Variants in SAMD4A observed in about 807,000 individuals in gnomAD.
SAMD4A encodes the protein protein Smaug homolog 1.
In SAMD4A, 33 loss-of-function variants were observed where a neutral mutation model predicts 81.3. The observed-to-expected ratio is 0.41, with a 90% CI of 0.31 to 0.54. The LOEUF (loss-of-function observed/expected upper bound fraction) is 0.54. SAMD4A is among the 20% of genes least tolerant of loss of function. SAMD4A has a pLI of 0.37. For synonymous variants in SAMD4A, 389 were observed against 382.1 expected, an observed-to-expected ratio of 1.02 and a Z score of -0.21; for missense variants, 854 against 951.1, an observed-to-expected ratio of 0.90 and a Z score of 1.34.
rs1267988348 is a variant in SAMD4A, at chr14:54,737,247, T to G, written c.939T>G (p.Thr313=). The G allele has an allele frequency of 2.5e-6, 4 of 1,614,140 alleles. No homozygotes were observed. The highest frequency in any genetic ancestry group is 3.4e-6 in the Non-Finnish European group (4 of 1,180,030). The change falls in exon 4 of 13, where the codon ACT becomes ACG. Residue 313 remains threonine, a synonymous_variant. Transcript: ENST00000554335. Reference sequence around the variant, plus strand: ...GTGAACACTTAGAAGATCAGACCACTGCTCGTAACACATTCCAAGAAGAAG... The same window carrying G: ...GTGAACACTTAGAAGATCAGACCACGGCTCGTAACACATTCCAAGAAGAAG... ...GGSEHLEDQT[T]ARNTFQEEGS...
intron 2 of SAMD4A, among the ~76,000 whole-genome samples, chr14:54,604,134 T>C (rs1468754591): frequency 6.6e-6 from 1 of 152,296 alleles, no homozygotes; most frequent in African/African-American, 2.4e-5. Flanking sequence ...CATTATTTTA[T>C]TGTATCCTTA....
At chr14:54,723,117 C>T (rs976130695) in intron 3 of SAMD4A, among the ~76,000 whole-genome samples, 1 of 150,056 alleles carries the variant, frequency 6.7e-6, no homozygotes, top group African/African-American at 2.4e-5. Context: ...AAAAAAAAAC[C>T]CATCTAGGTG....
intron 6 of SAMD4A, among the ~76,000 whole-genome samples, chr14:54,757,373 G>A (rs1421141666): frequency 7.8e-6 from 1 of 129,022 alleles, no homozygotes; most frequent in Non-Finnish European, 1.6e-5. Flanking sequence ...TATGTATTTG[G>A]TTTCTTTATT....
At chr14:54,591,839 G>C (rs1156375255) in intron 2 of SAMD4A, among the ~76,000 whole-genome samples, 1 of 152,146 alleles carries the variant, frequency 6.6e-6, no homozygotes, top group East Asian at 1.9e-4. Context: ...TATATTGTCT[G>C]TGATTTCTCA....
chr14:54,675,828 C>T (rs1281917127), intron 2 of SAMD4A, among the ~76,000 whole-genome samples: 4 of 152,144 alleles, frequency 2.6e-5, no homozygotes, highest in African/African-American at 9.7e-5. Flanking sequence ...CATCAGAGCT[C>T]CCATGAACAA....
At chr14:54,744,968 C>T (rs1159336658) in intron 4 of SAMD4A, among the ~76,000 whole-genome samples, 1 of 152,198 alleles carries the variant, frequency 6.6e-6, no homozygotes, top group African/African-American at 2.4e-5. Flanking sequence ...CTCTGTCTCA[C>T]CAAACCTGAA....
At chr14:54,611,346 C>T (rs1458654373) in intron 2 of SAMD4A, among the ~76,000 whole-genome samples, 2 of 152,156 alleles carry the variant, frequency 1.3e-5, no homozygotes, top group Non-Finnish European at 2.9e-5. Context: ...GCTGAATGAG[C>T]AACACTCAGG....
At chr14:54,715,175 C>T (rs968349231) in intron 3 of SAMD4A, among the ~76,000 whole-genome samples, 1 of 151,910 alleles carries the variant, frequency 6.6e-6, no homozygotes, top group Non-Finnish European at 1.5e-5. Flanking sequence ...TGTGACCAGT[C>T]CCAAGAGGGC....
Position 54,687,451 on chromosome 14 carries a change from A to G in SAMD4A, c.197-14611A>G, listed in dbSNP as rs780907786. The G allele has an allele frequency of 9.5e-6, 4 of 419,496 alleles. 1 individual carries two copies. The highest frequency in any genetic ancestry group is 6.9e-5 in the South Asian group (4 of 58,240). 26.0% of individuals were successfully genotyped at this position (419,496 alleles called of 1,614,324 possible). A position where few individuals can be genotyped will look rare whatever the true frequency, so the allele number is the denominator to read the frequency against. On this transcript the variant is annotated intron_variant, in intron 2 of 12. Transcript: ENST00000554335. ...GTTAGCTGTGTTTGAAATAAAAACA[A>G]ACAAAAAAAGGCAGCCAAAAAACAA...
At chr14:54,636,847 G>T (rs1280650732) in intron 2 of SAMD4A, among the ~76,000 whole-genome samples, 8 of 152,146 alleles carry the variant, frequency 5.3e-5, no homozygotes, top group Non-Finnish European at 8.8e-5. Flanking sequence ...TTAAGAACAT[G>T]CTGAAATTGA....
intron 2 of SAMD4A, among the ~76,000 whole-genome samples, chr14:54,628,537 A>G (rs528071427): frequency 2.0e-5 from 3 of 152,300 alleles, no homozygotes; most frequent in South Asian, 2.1e-4. Flanking sequence ...CTATAAAAAT[A>G]AAGCATGCTC....
intron 2 of SAMD4A, among the ~76,000 whole-genome samples, chr14:54,568,691 AT>A (rs2033029770): frequency 8.6e-3 from 1 of 116 alleles, no homozygotes; most frequent in African/African-American, 0.017. Flanking sequence ...CATTTGCAGC[AT>A]ATATATATAT....
intron 2 of SAMD4A, among the ~76,000 whole-genome samples, chr14:54,652,402 C>T (rs2035423919): frequency 6.6e-6 from 1 of 152,172 alleles, no homozygotes; most frequent in Non-Finnish European, 1.5e-5. Flanking sequence ...TGCGGCATGC[C>T]AGCACATTCC....
rs2038662478 is a variant in SAMD4A, at chr14:54,770,159, A to C, written c.1652A>C (p.Lys551Thr). The C allele has an allele frequency of 6.2e-7, 1 of 1,614,204 alleles. No homozygotes were observed. Among genetic ancestry groups the C allele is most frequent in the East Asian group, 2.2e-5 (1 of 44,892 alleles). Residue 551 changes from lysine to threonine, a missense_variant, in exon 9 of 13, where the codon AAG becomes ACG. By Grantham distance (78) the Lys-to-Thr change is moderately conservative. This residue lies in a region of SAMD4A where 428 missense variants were observed against 471.2 expected (regional missense o/e 0.91). Transcript: ENST00000554335. ...RLLSWKQQVQ[K>T]LFRSFPRKTL... The stretch of plus-strand genomic sequence containing the variant: ...TTGTCATGGAAACAGCAGGTGCAGA[A>C]GCTCTTTCGGTCTTTCCCTCGGAAA...
At chr14:54,635,544 G>A (rs1163301723) in intron 2 of SAMD4A, among the ~76,000 whole-genome samples, 1 of 149,008 alleles carries the variant, frequency 6.7e-6, no homozygotes, top group Non-Finnish European at 1.5e-5. Flanking sequence ...GTGGTCAGGC[G>A]TTCGAGACCA....
At chr14:54,689,168 G>A (rs2036363962) in intron 2 of SAMD4A, among the ~76,000 whole-genome samples, 1 of 152,086 alleles carries the variant, frequency 6.6e-6, no homozygotes, top group South Asian at 2.1e-4. Context: ...CTGACCTACA[G>A]GTGATCCACC....
intron 2 of SAMD4A, among the ~76,000 whole-genome samples, chr14:54,617,373 A>G (rs901222481): frequency 1.1e-4 from 16 of 152,196 alleles, no homozygotes; most frequent in African/African-American, 3.6e-4. Flanking sequence ...GTGAATTCCT[A>G]TTAATATTGA....
chr14:54,682,451 A>G (rs1253881791), intron 2 of SAMD4A, among the ~76,000 whole-genome samples: 2 of 152,074 alleles, frequency 1.3e-5, no homozygotes. Flanking sequence ...CTGGGTCCCA[A>G]ACTCTCAACC....
chr14:54,594,459 T>C (rs2033862109), intron 2 of SAMD4A, among the ~76,000 whole-genome samples: 1 of 152,092 alleles, frequency 6.6e-6, no homozygotes, highest in African/African-American at 2.4e-5. Context: ...AAGTGTTAAT[T>C]AGATAATCAG....
Sources: allele counts gnomAD v4.1 joint callset (sites outside exome capture counted in the v4.1 genomes callset), GRCh38; gene constraint gnomAD v4.1.1; regional missense constraint gnomAD v4.1.1; transcripts MANE v1.5; gene names NCBI Gene and HGNC (gene_info 2026-07-23, HGNC 2026-07-21).